The following MPPED2 variants were observed in gnomAD, a reference collection of about 807,000 sequenced individuals.
The protein encoded by MPPED2 is metallophosphoesterase domain containing 2.
A neutral mutation model predicts 33.0 loss-of-function variants in MPPED2; 5 were observed. The observed-to-expected ratio is 0.15, with a 90% CI of 0.08 to 0.32. The LOEUF (loss-of-function observed/expected upper bound fraction) is 0.32, where lower values mean the gene tolerates loss of function less well. Among genes scored for constraint, MPPED2 ranks in the 10% least tolerant of loss-of-function variants. The pLI is 1.00. For missense variants in MPPED2, 275 were observed against 372.1 expected (o/e 0.74, Z 2.15); for synonymous variants, 136 against 141.9 (o/e 0.96, Z 0.29).
At chr11:30,521,682 A>C (rs564549864) in intron 3 of MPPED2, among the ~76,000 whole-genome samples, 1 of 152,252 alleles carries the variant, frequency 6.6e-6, no homozygotes, top group Non-Finnish European at 1.5e-5. Flanking sequence ...ATGTAAATAT[A>C]TCTTCTGACC....
chr11:30,555,652 G>T (rs180859015), intron 2 of MPPED2, among the ~76,000 whole-genome samples: 3 of 152,276 alleles, frequency 2.0e-5, no homozygotes, highest in African/African-American at 7.2e-5. Context: ...CTGCCACCAT[G>T]TAAGACATGA....
intron 4 of MPPED2, among the ~76,000 whole-genome samples, chr11:30,440,423 G>A (rs1490194999): frequency 2.0e-5 from 3 of 152,060 alleles, no homozygotes; most frequent in African/African-American, 4.8e-5. Context: ...GCAGAGGTGA[G>A]TAGCCATGAC....
intron 6 of MPPED2, among the ~76,000 whole-genome samples, chr11:30,402,954 AAAC>A (rs762575093): frequency 3.9e-5 from 6 of 152,364 alleles, no homozygotes; most frequent in Non-Finnish European, 7.3e-5. Context: ...GCCCATTAGA[AAAC>A]AATGTAGGCC....
At chr11:30,404,051 A>C (rs903630813) in intron 6 of MPPED2, among the ~76,000 whole-genome samples, 2 of 152,208 alleles carry the variant, frequency 1.3e-5, no homozygotes, top group African/African-American at 4.8e-5. Context: ...ATCCAACCCT[A>C]GTAGCCATAC....
intron 2 of MPPED2, among the ~76,000 whole-genome samples, chr11:30,541,455 C>T (rs141151789): frequency 6.6e-6 from 1 of 152,106 alleles, no homozygotes; most frequent in Non-Finnish European, 1.5e-5. Flanking sequence ...TGCAGTATAA[C>T]CTTTGTGTAT....
At chr11:30,462,482 C>T (rs915873296) in intron 4 of MPPED2, among the ~76,000 whole-genome samples, 2 of 152,210 alleles carry the variant, frequency 1.3e-5, no homozygotes, top group African/African-American at 4.8e-5. Context: ...TACCAAGAGT[C>T]TTTTAAAAGT....
intron 4 of MPPED2, among the ~76,000 whole-genome samples, chr11:30,485,471 A>ATTTACACATGTTACACATAACACGTGT: frequency 6.6e-6 from 1 of 151,816 alleles, no homozygotes; most frequent in East Asian, 1.9e-4. Flanking sequence ...CATGTGTAAC[A>ATTTACACATGTTACACATAACACGTGT]AGGTAAATAA....
chr11:30,439,737 CA>C (rs1949482208), intron 4 of MPPED2, among the ~76,000 whole-genome samples: 1 of 152,230 alleles, frequency 6.6e-6, no homozygotes, highest in Non-Finnish European at 1.5e-5. Context: ...GATAATACTA[CA>C]TCCTATCTAC....
At chr11:30,524,481 G>A (rs896096457) in intron 3 of MPPED2, among the ~76,000 whole-genome samples, 1 of 152,148 alleles carries the variant, frequency 6.6e-6, no homozygotes, top group Non-Finnish European at 1.5e-5. Context: ...TATGTTGGGA[G>A]GGCCCATAAC....
At chr11:30,423,664 G>C (rs1252744842) in intron 4 of MPPED2, among the ~76,000 whole-genome samples, 1 of 152,170 alleles carries the variant, frequency 6.6e-6, no homozygotes, top group African/African-American at 2.4e-5. Context: ...CTGGACTTCA[G>C]TTTTTACAAA....
chr11:30,387,000 C>A (rs971692697), exon 7 of MPPED2: 1 of 380,440 alleles, frequency 2.6e-6, no homozygotes, highest in Non-Finnish European at 4.6e-6. Flanking sequence ...GAAAACAAGG[C>A]CACATAGTTA....
chr11:30,465,689 T>A (rs1950678794), intron 4 of MPPED2, among the ~76,000 whole-genome samples: 1 of 152,254 alleles, frequency 6.6e-6, no homozygotes, highest in African/African-American at 2.4e-5. Flanking sequence ...CTTTGGTAAG[T>A]AGAATCTGAA....
intron 4 of MPPED2, among the ~76,000 whole-genome samples, chr11:30,493,636 C>T (rs1349575250): frequency 6.7e-6 from 1 of 150,274 alleles, no homozygotes; most frequent in African/African-American, 2.4e-5. Flanking sequence ...TATTGACAAT[C>T]ATTTAGTCTA....
At chr11:30,564,769 T>A (rs1387221767) in intron 2 of MPPED2, among the ~76,000 whole-genome samples, 1 of 152,154 alleles carries the variant, frequency 6.6e-6, no homozygotes, top group Non-Finnish European at 1.5e-5. Context: ...ACACTTATTT[T>A]AAAAAATCTA....
intron 4 of MPPED2, among the ~76,000 whole-genome samples, chr11:30,470,001 A>C (rs1950880379): frequency 6.6e-6 from 1 of 152,166 alleles, no homozygotes; most frequent in Non-Finnish European, 1.5e-5. Flanking sequence ...TATCTAAATT[A>C]TTTGCTGCAA....
At chr11:30,578,792 A>C (rs1440640935) in intron 2 of MPPED2, among the ~76,000 whole-genome samples, 1 of 152,236 alleles carries the variant, frequency 6.6e-6, no homozygotes, top group Non-Finnish European at 1.5e-5. Context: ...AAGAAAAACA[A>C]GTAAATAGAA....
intron 4 of MPPED2, among the ~76,000 whole-genome samples, chr11:30,452,382 T>C (rs1590328103): frequency 2.0e-5 from 3 of 152,230 alleles, no homozygotes; most frequent in Non-Finnish European, 4.4e-5. Context: ...AGGCCCATCC[T>C]GTGGCACCCA....
At chr11:30,384,472 T>A (rs1240984581), downstream of MPPED2, 2 of 147,118 alleles carry the variant, frequency 1.4e-5, no homozygotes, top group East Asian at 3.9e-4. Context: ...TTTTTCTTTT[T>A]TCTTTTTTTT....
chr11:30,550,521 T>G (rs1955656537), intron 2 of MPPED2, among the ~76,000 whole-genome samples: 1 of 152,168 alleles, frequency 6.6e-6, no homozygotes, highest in South Asian at 2.1e-4. Context: ...AGAGCACTGG[T>G]GGCAATTTAG....
Sources: allele counts gnomAD v4.1 joint callset (sites outside exome capture counted in the v4.1 genomes callset), GRCh38; gene constraint gnomAD v4.1.1; transcripts MANE v1.5; gene names NCBI Gene and HGNC (gene_info 2026-07-23, HGNC 2026-07-21).